The following BNC2 variants were observed in gnomAD, a reference collection of about 807,000 sequenced individuals.
The protein encoded by BNC2 is basonuclin zinc finger protein 2, also known as zinc finger protein basonuclin-2.
A neutral mutation model predicts 76.3 loss-of-function variants in BNC2; 20 were observed. That is an observed-to-expected ratio of 0.26 (90% CI 0.18 to 0.38). The LOEUF (loss-of-function observed/expected upper bound fraction) is 0.38. BNC2 is among the 10% of genes least tolerant of loss of function. The pLI is 1.00. For synonymous variants in BNC2, 582 were observed against 514.8 expected (o/e 1.13, Z -1.77); for missense variants, 1,382 against 1,399.8 (o/e 0.99, Z 0.20).
intron 1 of BNC2, among the ~76,000 whole-genome samples, chr9:16,797,549 C>T (rs1438401352): frequency 6.6e-6 from 1 of 152,052 alleles, no homozygotes; most frequent in Non-Finnish European, 1.5e-5. Flanking sequence ...CCTCGTTGGC[C>T]TCTTAAGGAT....
intron 1 of BNC2, among the ~76,000 whole-genome samples, chr9:16,861,937 C>A (rs1390357831): frequency 6.6e-6 from 1 of 151,074 alleles, no homozygotes; most frequent in East Asian, 1.9e-4. Flanking sequence ...TGCAGTGAGC[C>A]GAGATTGCAC....
intron 2 of BNC2, among the ~76,000 whole-genome samples, chr9:16,736,287 T>C (rs779820743): frequency 1.3e-5 from 2 of 151,436 alleles, no homozygotes; most frequent in Non-Finnish European, 2.9e-5. Context: ...TACAAAATTA[T>C]TGAGAAACTC....
At chr9:16,804,081 A>G (rs558977396) in intron 1 of BNC2, among the ~76,000 whole-genome samples, 2 of 152,392 alleles carry the variant, frequency 1.3e-5, no homozygotes, top group Admixed American at 1.3e-4. Flanking sequence ...TCCACGCTAA[A>G]GAAAATGATG....
At chr9:16,521,896 G>C (rs1817632742) in intron 5 of BNC2, among the ~76,000 whole-genome samples, 1 of 152,148 alleles carries the variant, frequency 6.6e-6, no homozygotes, top group South Asian at 2.1e-4. Flanking sequence ...GCCTGTCTGT[G>C]ACAATGTTCT....
intron 3 of BNC2, among the ~76,000 whole-genome samples, chr9:16,590,527 T>C (rs964530356): frequency 1.3e-5 from 2 of 151,908 alleles, no homozygotes; most frequent in Non-Finnish European, 2.9e-5. Context: ...AAGACATTTC[T>C]ATCCTAGCAG....
chr9:16,433,971 G>T (rs185142441), intron 6 of BNC2, among the ~76,000 whole-genome samples: 1 of 152,224 alleles, frequency 6.6e-6, no homozygotes, highest in East Asian at 1.9e-4. Context: ...ACTTGGAGGA[G>T]GTTGGGTACA....
At chr9:16,624,201 T>C (rs906168731) in intron 3 of BNC2, among the ~76,000 whole-genome samples, 8 of 152,174 alleles carry the variant, frequency 5.3e-5, no homozygotes, top group Admixed American at 5.2e-4. Flanking sequence ...AGACGAAGTA[T>C]TTATATTAAT....
intron 1 of BNC2, among the ~76,000 whole-genome samples, chr9:16,808,347 C>T (rs1373600662): frequency 1.3e-5 from 2 of 152,028 alleles, no homozygotes; most frequent in Admixed American, 6.6e-5. Flanking sequence ...GAATCCTGTG[C>T]TATTCCCATT....
chr9:16,585,356 T>G (rs1819740191), intron 3 of BNC2, among the ~76,000 whole-genome samples: 1 of 152,164 alleles, frequency 6.6e-6, no homozygotes. Flanking sequence ...CATTATTCCT[T>G]TTTATGAATT....
At chr9:16,826,284 CT>C (rs1350981962) in intron 1 of BNC2, among the ~76,000 whole-genome samples, 1 of 146,362 alleles carries the variant, frequency 6.8e-6, no homozygotes, top group African/African-American at 2.5e-5. Context: ...TAGGACCTGC[CT>C]TTTAGAACCA....
At chr9:16,420,784 A>G (rs779956338) in intron 6 of BNC2, among the ~76,000 whole-genome samples, 1 of 152,154 alleles carries the variant, frequency 6.6e-6, no homozygotes, top group Non-Finnish European at 1.5e-5. Context: ...ATATGTTATC[A>G]TCTATCTGGA....
chr9:16,623,981 T>C (rs1820928609), intron 3 of BNC2, among the ~76,000 whole-genome samples: 1 of 152,234 alleles, frequency 6.6e-6, no homozygotes, highest in Admixed American at 6.5e-5. Context: ...AAAGATCACT[T>C]CGTTCAATAT....
intron 5 of BNC2, among the ~76,000 whole-genome samples, chr9:16,490,276 G>C (rs1822247902): frequency 6.6e-6 from 1 of 152,200 alleles, no homozygotes; most frequent in Admixed American, 6.5e-5. Context: ...GCAGCCGCAA[G>C]AGAAAATGAG....
At chr9:16,694,867 T>C (rs879545540) in intron 3 of BNC2, among the ~76,000 whole-genome samples, 1 of 152,092 alleles carries the variant, frequency 6.6e-6, no homozygotes, top group Non-Finnish European at 1.5e-5. Flanking sequence ...TTCTAAGGGA[T>C]ACCCCCCCAC....
rs577736233 is a variant in BNC2, at chr9:16,818,329, T to G, written c.3+52317A>C. Reference sequence around the variant, plus strand: ...TGAGGCAGGAGAATGGCGTGAACCTTGGAGGCGGAGCTTGTAGTGAGCCGA... The same window carrying G: ...TGAGGCAGGAGAATGGCGTGAACCTGGGAGGCGGAGCTTGTAGTGAGCCGA... On this transcript the variant is annotated intron_variant, in intron 1 of 6. Transcript: ENST00000380672. Among the ~76,000 whole-genome samples the G allele has an allele frequency of 1.4e-4, 21 of 152,098 alleles. 1 individual carries two copies. The South Asian group carries it at 1.7e-3, about 12-fold the overall frequency.
intron 5 of BNC2, among the ~76,000 whole-genome samples, chr9:16,482,853 C>T (rs1822088691): frequency 6.6e-6 from 1 of 152,184 alleles, no homozygotes; most frequent in African/African-American, 2.4e-5. Context: ...CCTCAGATGG[C>T]TCTAAGTGAA....
intron 2 of BNC2, among the ~76,000 whole-genome samples, chr9:16,733,970 A>G (rs1824587944): frequency 1.3e-5 from 2 of 152,058 alleles, no homozygotes; most frequent in African/African-American, 4.8e-5. Flanking sequence ...TTACATCCTT[A>G]TGAGAGATGA....
chr9:16,524,844 C>G (rs2132125781), intron 5 of BNC2, among the ~76,000 whole-genome samples: 1 of 152,244 alleles, frequency 6.6e-6, no homozygotes, highest in South Asian at 2.1e-4. Context: ...GAGGCCAAGG[C>G]AGGAAGATCA....
intron 3 of BNC2, among the ~76,000 whole-genome samples, chr9:16,659,543 A>G (rs912356082): frequency 1.3e-5 from 2 of 151,320 alleles, no homozygotes; most frequent in African/African-American, 4.9e-5. Context: ...AGGAGGCGGA[A>G]ATTGAAGTTA....
Sources: gnomAD v4.1 joint callset for allele counts (sites outside exome capture counted in the v4.1 genomes callset) on GRCh38, gnomAD v4.1.1 for gene constraint, MANE v1.5 for transcripts, NCBI Gene and HGNC (gene_info 2026-07-23, HGNC 2026-07-21) for gene names.